MSRA: variants seen among roughly 807,000 people sequenced by gnomAD.
MSRA encodes the protein mitochondrial peptide methionine sulfoxide reductase.
Under a neutral mutation model 31.3 loss-of-function variants are expected in MSRA, and 54 were observed. The ratio of observed to expected loss-of-function variants is 1.73; its 90% CI spans 1.39 to 2.17. MSRA has a LOEUF of 2.17. Ranked by LOEUF, MSRA falls within the 30% of genes most tolerant of loss-of-function variation. MSRA has a pLI of 0.00. For missense variants in MSRA, 507 were observed against 300.9 expected (o/e 1.69, Z -5.07); for synonymous variants, 169 against 116.5 (o/e 1.45, Z -2.90).
In MSRA at chr8:10,153,633, C is replaced by T. The variant is rs544077239; in HGVS notation, c.143-54200C>T. 1.5e-4 allele frequency among the ~76,000 whole-genome samples: 23 copies of T among 152,248 alleles called. No individual in the cohort carries two copies. The East Asian group carries it at 1.7e-3, about 12-fold the overall frequency. On this transcript the variant is annotated intron_variant, in intron 1 of 5. Transcript: ENST00000317173. Reference sequence around the variant, plus strand: ...TATTGACATTGGTCATTTCCCAAAGCGACAGCAGTGGTAGCACAGGTGAGG... The same window carrying T: ...TATTGACATTGGTCATTTCCCAAAGTGACAGCAGTGGTAGCACAGGTGAGG...
chr8:10,094,661 C>G (rs1036349377), intron 1 of MSRA, among the ~76,000 whole-genome samples: 4 of 152,174 alleles, frequency 2.6e-5, no homozygotes, highest in Admixed American at 6.5e-5. Context: ...GAATGTGGCT[C>G]TTTTCTATGT....
At chr8:10,303,201 G>C (rs951778590) in intron 4 of MSRA, among the ~76,000 whole-genome samples, 3 of 152,216 alleles carry the variant, frequency 2.0e-5, no homozygotes, top group African/African-American at 7.2e-5. Flanking sequence ...CTTTAATGTG[G>C]CCAACTGCAA....
rs559339106 is a variant in MSRA at position 10,405,024 on chromosome 8, C to G, written c.544-23124C>G. Among the ~76,000 whole-genome samples the G allele has an allele frequency of 8.7e-4, 133 of 152,312 alleles. No individual in the cohort carries two copies. The Middle Eastern group carries it at 0.014, about 16-fold the overall frequency. ...TGTGGGGCCTGGGCCACCCTGTGCTCCCTCTCATCTGTTTCCCGGAGTGTG... is the reference window on the plus strand; with the variant it reads ...TGTGGGGCCTGGGCCACCCTGTGCTGCCTCTCATCTGTTTCCCGGAGTGTG... On this transcript the variant is annotated intron_variant, in intron 5 of 5. Coordinates refer to ENST00000317173, the MANE Select transcript of MSRA (RefSeq NM_012331.5).
intron 3 of MSRA, among the ~76,000 whole-genome samples, chr8:10,295,935 G>A (rs1253369777): frequency 8.5e-5 from 13 of 152,154 alleles, no homozygotes; most frequent in Admixed American, 2.6e-4. Context: ...CCCCTCTTTC[G>A]GAGGTGTCTT....
Position 10,255,807 on chromosome 8 carries a change from TAAA to T in MSRA, c.331+10588_331+10590del. Reference sequence around the variant, plus strand: ...ATTGGGAGGCTGCTGGTTTTTTTTTTAAAAAACAAGTTTTAATTTTTTCATCTA... The same window carrying T: ...ATTGGGAGGCTGCTGGTTTTTTTTTTAAACAAGTTTTAATTTTTTCATCTA... On this transcript the variant is annotated intron_variant, in intron 3 of 5. Transcript: ENST00000317173. 2.0e-5 allele frequency among the ~76,000 whole-genome samples: 3 copies of T among 151,134 alleles called. No individual in the cohort carries two copies. The South Asian group carries it at 6.3e-4, about 32-fold the overall frequency.
intron 5 of MSRA, among the ~76,000 whole-genome samples, chr8:10,351,501 T>C (rs772750811): frequency 4.6e-5 from 7 of 152,156 alleles, no homozygotes; most frequent in African/African-American, 7.2e-5. Context: ...ATCCACCCGC[T>C]TCAGCCTCCC....
intron 1 of MSRA, among the ~76,000 whole-genome samples, chr8:10,203,578 A>G (rs537537661): frequency 6.6e-6 from 1 of 152,364 alleles, no homozygotes; most frequent in Non-Finnish European, 1.5e-5. Context: ...ACACTGTTGT[A>G]AACAAACCTA....
chr8:10,371,897 ACT>A (rs1456992573), intron 5 of MSRA, among the ~76,000 whole-genome samples: 5 of 152,040 alleles, frequency 3.3e-5, no homozygotes, highest in East Asian at 1.9e-4. Flanking sequence ...TGGTTCTCTG[ACT>A]CTCTGATTTT....
intron 2 of MSRA, among the ~76,000 whole-genome samples, chr8:10,240,268 T>A (rs1812292925): frequency 6.6e-6 from 1 of 152,154 alleles, no homozygotes; most frequent in Non-Finnish European, 1.5e-5. Context: ...TTGGTGACAG[T>A]CTCTGTTGCT....
At chr8:10,155,845 T>C (rs1298012532) in intron 1 of MSRA, among the ~76,000 whole-genome samples, 1 of 147,716 alleles carries the variant, frequency 6.8e-6, no homozygotes, top group Non-Finnish European at 1.5e-5. Flanking sequence ...AGATAACAAA[T>C]ATAGAAGGAG....
chr8:10,420,673 G>A (rs543882302), intron 5 of MSRA, among the ~76,000 whole-genome samples: 6 of 152,216 alleles, frequency 3.9e-5, no homozygotes, highest in African/African-American at 1.4e-4. Flanking sequence ...AGAGAGGGCA[G>A]CCCCCACCCC....
intron 1 of MSRA, among the ~76,000 whole-genome samples, chr8:10,078,255 T>C (rs1459033771): frequency 6.6e-6 from 1 of 152,210 alleles, no homozygotes; most frequent in Admixed American, 6.5e-5. Flanking sequence ...CTCCTCCTCC[T>C]TCCCTACTCA....
At chr8:10,196,393 A>G (rs147958039) in intron 1 of MSRA, among the ~76,000 whole-genome samples, 2 of 152,096 alleles carry the variant, frequency 1.3e-5, no homozygotes, top group African/African-American at 4.8e-5. Flanking sequence ...TACATCCACA[A>G]TACCTGGGGA....
chr8:10,117,601 T>TCA (rs1160920900), intron 1 of MSRA, among the ~76,000 whole-genome samples: 7 of 152,218 alleles, frequency 4.6e-5, no homozygotes, highest in Non-Finnish European at 1.0e-4. Context: ...TAAGTATCTT[T>TCA]TATATATAGA....
At chr8:10,301,237 T>C (rs1800827379) in intron 3 of MSRA, among the ~76,000 whole-genome samples, 1 of 152,154 alleles carries the variant, frequency 6.6e-6, no homozygotes, top group Non-Finnish European at 1.5e-5. Context: ...GTTTCCTGAG[T>C]GAGCTTAGAA....
At chr8:10,182,884 G>A (rs923068484) in intron 1 of MSRA, among the ~76,000 whole-genome samples, 1 of 152,176 alleles carries the variant, frequency 6.6e-6, no homozygotes, top group Non-Finnish European at 1.5e-5. Context: ...TTAGTGAGAA[G>A]CAAGTTACTC....
chr8:10,401,402 A>G (rs1012432587), intron 5 of MSRA, among the ~76,000 whole-genome samples: 1 of 152,192 alleles, frequency 6.6e-6, no homozygotes, highest in African/African-American at 2.4e-5. Flanking sequence ...AACAAAACAA[A>G]ACAGAGAATA....
At chr8:10,254,189 T>C (rs928958149) in intron 3 of MSRA, among the ~76,000 whole-genome samples, 9 of 152,160 alleles carry the variant, frequency 5.9e-5, no homozygotes, top group African/African-American at 2.2e-4. Flanking sequence ...AGCGTCTTCG[T>C]TCTTTGAGAA....
chr8:10,351,462 C>G (rs1804142904), intron 5 of MSRA, among the ~76,000 whole-genome samples: 1 of 152,020 alleles, frequency 6.6e-6, no homozygotes, highest in Non-Finnish European at 1.5e-5. Context: ...CCATGTTGAC[C>G]AGGATGGTCT....
Sources: gnomAD v4.1 joint callset for allele counts (sites outside exome capture counted in the v4.1 genomes callset) on GRCh38, gnomAD v4.1.1 for gene constraint, MANE v1.5 for transcripts, NCBI Gene and HGNC (gene_info 2026-07-23, HGNC 2026-07-21) for gene names.